ADAMTS18: variants seen among roughly 807,000 people sequenced by gnomAD.
The protein encoded by ADAMTS18 is ADAM metallopeptidase with thrombospondin type 1 motif 18, also known as A disintegrin and metalloproteinase with thrombospondin motifs 18.
A neutral mutation model predicts 165.9 loss-of-function variants in ADAMTS18; 157 were observed. The ratio of observed to expected loss-of-function variants is 0.95; its 90% CI spans 0.83 to 1.08. The LOEUF (loss-of-function observed/expected upper bound fraction) is 1.08. Among genes scored for constraint, ADAMTS18 ranks in the 50% least tolerant of loss-of-function variants. ADAMTS18 has a pLI of 0.00. For synonymous variants in ADAMTS18, 782 were observed against 578.2 expected (o/e 1.35, Z -5.06); for missense variants, 2,040 against 1,534.0 (o/e 1.33, Z -5.51).
In ADAMTS18 at chr16:77,353,035, G is replaced by A. The variant is rs553463088; in HGVS notation, c.1614+698C>T. On this transcript the variant is annotated intron_variant, in intron 10 of 22. Coordinates refer to ENST00000282849, the MANE Select transcript of ADAMTS18 (RefSeq NM_199355.4). ...GCGGAGCTTGCAGTGAGCCAAGATCGTGCCACTGCCCTCAAGCCTGGGCAA... is the reference window on the plus strand; with the variant it reads ...GCGGAGCTTGCAGTGAGCCAAGATCATGCCACTGCCCTCAAGCCTGGGCAA... 3.9e-5 allele frequency among the ~76,000 whole-genome samples: 6 copies of A among 152,184 alleles called. No homozygotes were observed. The East Asian group carries it at 5.8e-4, about 15-fold the overall frequency.
intron 16 of ADAMTS18, among the ~76,000 whole-genome samples, chr16:77,301,278 GAAA>G (rs34732324): frequency 7.0e-6 from 1 of 143,710 alleles, no homozygotes; most frequent in African/African-American, 2.5e-5. Context: ...TATTTTCATT[GAAA>G]AAAAAAAAAA....
At chr16:77,426,927 T>C (rs947219518) in intron 3 of ADAMTS18, among the ~76,000 whole-genome samples, 4 of 152,126 alleles carry the variant, frequency 2.6e-5, no homozygotes, top group South Asian at 2.1e-4. Context: ...GTTGGGAGTA[T>C]TGCTTAAGCC....
chr16:77,317,120 A>G (rs2055901586), intron 16 of ADAMTS18, among the ~76,000 whole-genome samples: 1 of 151,674 alleles, frequency 6.6e-6, no homozygotes, highest in Non-Finnish European at 1.5e-5. Flanking sequence ...TTTTTATCTC[A>G]TACTTTATTT....
rs559040964 is a variant in ADAMTS18 at position 77,369,626 on chromosome 16, C to G, written c.496-1903G>C. Among the ~76,000 whole-genome samples, 3 of 152,230 alleles carry G rather than the reference C, an allele frequency of 2.0e-5. No homozygotes were observed. The South Asian group carries it at 6.2e-4, about 32-fold the overall frequency. On this transcript the variant is annotated intron_variant, in intron 3 of 22. Coordinates refer to ENST00000282849, the MANE Select transcript of ADAMTS18 (RefSeq NM_199355.4). Reference sequence around the variant, plus strand: ...TAAAAAGTCTCCCATCAAAGAAAAGCCCAGGGCCAGATGGCTTCCCTGATG... The same window carrying G: ...TAAAAAGTCTCCCATCAAAGAAAAGGCCAGGGCCAGATGGCTTCCCTGATG...
chr16:77,300,666 G>T (rs1046028469), intron 16 of ADAMTS18, among the ~76,000 whole-genome samples: 1 of 151,694 alleles, frequency 6.6e-6, no homozygotes, highest in Admixed American at 6.6e-5. Flanking sequence ...AGCCCATAAC[G>T]TATACACAAA....
At chr16:77,340,287 A>G (rs1236882861) in intron 11 of ADAMTS18, among the ~76,000 whole-genome samples, 1 of 152,078 alleles carries the variant, frequency 6.6e-6, no homozygotes, top group African/African-American at 2.4e-5. Context: ...TGATTCTCAT[A>G]CCTCAGCCTC....
chr16:77,432,770 T>TA (rs398042239), intron 2 of ADAMTS18, among the ~76,000 whole-genome samples: 21,840 of 144,174 alleles, frequency 0.15, 1,586 homozygotes, highest in Non-Finnish European at 0.16. Flanking sequence ...CCTCCTCCAA[T>TA]AAAAAAAAAA....
chr16:77,421,351 G>C (rs1183206814), intron 3 of ADAMTS18, among the ~76,000 whole-genome samples: 5 of 152,204 alleles, frequency 3.3e-5, no homozygotes, highest in African/African-American at 1.2e-4. Flanking sequence ...GGAAAAACTT[G>C]ATGTGACTGA....
Position 77,283,417 on chromosome 16 carries a change from C to A in ADAMTS18, c.*539G>T. ...CACACCAAATAAACATAACATGAAG[C>A]TTGCCAGTCCAGCAGCAAGCACAAT... On this transcript the variant is annotated 3_prime_UTR_variant, in exon 23 of 23. Coordinates refer to ENST00000282849, the MANE Select transcript of ADAMTS18 (RefSeq NM_199355.4). 1 of 159,006 alleles carries A rather than the reference C, an allele frequency of 6.3e-6. No individual in the cohort carries two copies. The highest frequency in any genetic ancestry group is 1.4e-5 in the Non-Finnish European group (1 of 72,194). The allele number at this position is 159,006 out of a possible 1,614,324, so 9.8% of individuals were successfully genotyped here. A position where few individuals can be genotyped will look rare whatever the true frequency, so the allele number is the denominator to read the frequency against.
At chr16:77,401,733 C>T (rs894647576) in intron 3 of ADAMTS18, among the ~76,000 whole-genome samples, 2 of 152,206 alleles carry the variant, frequency 1.3e-5, no homozygotes, top group African/African-American at 2.4e-5. Context: ...CCCTCACTGA[C>T]ACAGAGAAGC....
In ADAMTS18 at chr16:77,379,794, T is replaced by C. The variant is rs190676821; in HGVS notation, c.496-12071A>G. Among the ~76,000 whole-genome samples the C allele has an allele frequency of 7.2e-5, 11 of 152,220 alleles. No homozygotes were observed. The East Asian group carries it at 2.1e-3, about 29-fold the overall frequency. ...GTGTAAGCCACCGTGTCTGCCCCTATCTGTTTAAGATGAGTCAGGTAAAGG... is the reference window on the plus strand; with the variant it reads ...GTGTAAGCCACCGTGTCTGCCCCTACCTGTTTAAGATGAGTCAGGTAAAGG... On this transcript the variant is annotated intron_variant, in intron 3 of 22. Coordinates refer to ENST00000282849, the MANE Select transcript of ADAMTS18 (RefSeq NM_199355.4).
chr16:77,285,407 G>C (rs772540002), intron 22 of ADAMTS18, among the ~76,000 whole-genome samples: 5 of 150,944 alleles, frequency 3.3e-5, no homozygotes, highest in Non-Finnish European at 7.4e-5. Flanking sequence ...TCCTGACCTC[G>C]GGTGATCCGT....
At chr16:77,297,459 T>C in intron 17 of ADAMTS18, 44 bp from the exon 18 acceptor site, 2 of 1,574,462 alleles carry the variant, frequency 1.3e-6, no homozygotes, top group African/African-American at 2.7e-5. Flanking sequence ...TACAGATTAT[T>C]ATTTCAATTT....
At chr16:77,361,872 G>C (rs2056719549) in intron 7 of ADAMTS18, among the ~76,000 whole-genome samples, 1 of 147,958 alleles carries the variant, frequency 6.8e-6, no homozygotes, top group African/African-American at 2.5e-5. Flanking sequence ...CAACAAGAGT[G>C]AAACTCCATC....
chr16:77,419,561 A>G (rs2057574427), intron 3 of ADAMTS18, among the ~76,000 whole-genome samples: 2 of 152,124 alleles, frequency 1.3e-5, no homozygotes, highest in Non-Finnish European at 2.9e-5. Flanking sequence ...GGATCACGTA[A>G]TTAGGTCAGA....
intron 16 of ADAMTS18, among the ~76,000 whole-genome samples, chr16:77,301,281 A>AT (rs963504359): frequency 6.6e-6 from 1 of 151,896 alleles, no homozygotes; most frequent in Non-Finnish European, 1.5e-5. Flanking sequence ...TTTCATTGAA[A>AT]AAAAAAAAAA....
intron 3 of ADAMTS18, among the ~76,000 whole-genome samples, chr16:77,387,066 G>C (rs560335500): frequency 4.5e-4 from 69 of 152,296 alleles, no homozygotes; most frequent in African/African-American, 1.6e-3. Flanking sequence ...GCCCCACCCA[G>C]ATTCAGATGC....
chr16:77,403,640 C>T (rs987577304), intron 3 of ADAMTS18, among the ~76,000 whole-genome samples: 2 of 152,176 alleles, frequency 1.3e-5, no homozygotes, highest in Non-Finnish European at 2.9e-5. Context: ...TGAACAACAT[C>T]TAAATGACCT....
At chr16:77,413,042 T>C (rs1555527321) in intron 3 of ADAMTS18, among the ~76,000 whole-genome samples, 1 of 152,116 alleles carries the variant, frequency 6.6e-6, no homozygotes. Context: ...TATACATTTA[T>C]ATGTATAAAA....
Sources: gnomAD v4.1 joint callset for allele counts (sites outside exome capture counted in the v4.1 genomes callset) on GRCh38, gnomAD v4.1.1 for gene constraint, MANE v1.5 for transcripts, NCBI Gene and HGNC (gene_info 2026-07-23, HGNC 2026-07-21) for gene names.